The following B4GALT1 variants were observed in gnomAD, a reference collection of about 807,000 sequenced individuals.
B4GALT1 encodes beta-1,4-galactosyltransferase 1, also known as N-acetyllactosamine synthase.
Under a neutral mutation model 34.9 loss-of-function variants are expected in B4GALT1, and 16 were observed. That is an observed-to-expected ratio of 0.46 (90% CI 0.31 to 0.70). The LOEUF (loss-of-function observed/expected upper bound fraction) is 0.70. B4GALT1 is among the 30% of genes least tolerant of loss of function. The probability of loss-of-function intolerance (pLI) is 0.05; values close to 1 mark genes in which losing one functional copy is unlikely to be tolerated. For synonymous variants in B4GALT1, 221 were observed against 218.1 expected (o/e 1.01, Z -0.12); for missense variants, 445 against 530.5 (o/e 0.84, Z 1.58).
rs1483178137 is a variant in B4GALT1 at position 33,135,339 on chromosome 9, G to A, written c.498C>T (p.Arg166=). The change falls in exon 2 of 6, where the codon CGC becomes CGT. Residue 166 remains arginine, a synonymous_variant. Coordinates refer to ENST00000379731, the MANE Select transcript of B4GALT1 (RefSeq NM_001497.4). ...KQNPNVKMGG[R]YAPRDCVSPH... ...GAGAGACGCAGTCCCTGGGGGCATA[G>A]CGGCCGCCCATCTTCACATTTGGGT... 2 of 1,614,206 alleles carry A rather than the reference G, an allele frequency of 1.2e-6. No homozygotes were observed. Among genetic ancestry groups the A allele is most frequent in the Middle Eastern group, 1.6e-4 (1 of 6,062 alleles).
the B4GALT1 span, chr9:33,174,062 G>C: frequency 6.6e-6 from 1 of 152,042 alleles, no homozygotes; most frequent in South Asian, 2.1e-4. Context: ...GGAAACATTA[G>C]AGAAATCCAA....
rs1262744786 is a variant in B4GALT1, at chr9:33,112,918, C to T, written c.*536G>A. 4 of 197,058 alleles carry T rather than the reference C, an allele frequency of 2.0e-5. No homozygotes were observed. Among genetic ancestry groups the T allele is most frequent in the Admixed American group, 5.3e-5 (1 of 18,770 alleles). 12.2% of individuals were successfully genotyped at this position (197,058 alleles called of 1,614,324 possible). A position where few individuals can be genotyped will look rare whatever the true frequency, so the allele number is the denominator to read the frequency against. Reference sequence around the variant, plus strand: ...TTAAAATCCTTTTGCTAAGAAAAGACATATGCACAGTGATTGCAGTGGTTG... The same window carrying T: ...TTAAAATCCTTTTGCTAAGAAAAGATATATGCACAGTGATTGCAGTGGTTG... On this transcript the variant is annotated 3_prime_UTR_variant, in exon 6 of 6. Transcript: ENST00000379731.
the B4GALT1 span, chr9:33,179,670 G>A: frequency 2.0e-5 from 3 of 152,178 alleles, no homozygotes; most frequent in African/African-American, 7.2e-5. Context: ...ATCTTTTCCA[G>A]GCTAGCAACA....
chr9:33,157,121 T>TACACACACACAC (rs199541947), intron 1 of B4GALT1, among the ~76,000 whole-genome samples: 1,312 of 113,206 alleles, frequency 0.012, 60 homozygotes, highest in African/African-American at 0.025. Context: ...CATAGGGAAC[T>TACACACACACAC]ACACACACAC....
chr9:33,142,242 C>T (rs1840362362), intron 1 of B4GALT1, among the ~76,000 whole-genome samples: 1 of 152,130 alleles, frequency 6.6e-6, no homozygotes. Context: ...CGGCCTCCCA[C>T]AGTGCTGGGA....
At chr9:33,120,741 C>T in intron 2 of B4GALT1, 135 bp from the exon 3 acceptor site, 1 of 852,256 alleles carries the variant, frequency 1.2e-6, no homozygotes, top group Non-Finnish European at 1.9e-6. Flanking sequence ...CGTCACTCTA[C>T]AATCAACACA....
the B4GALT1 span, among the ~76,000 whole-genome samples, chr9:33,174,741 G>C: frequency 6.7e-6 from 1 of 149,884 alleles, no homozygotes; most frequent in Non-Finnish European, 1.5e-5. Flanking sequence ...CAGATCACTT[G>C]AGGCCAGGAG....
rs1421230577 is a variant in B4GALT1, at chr9:33,166,936, C to A, written c.234G>T (p.Arg78=). The change falls in exon 1 of 6, where the codon CGG becomes CGT. Residue 78 remains arginine, a synonymous_variant. Coordinates refer to ENST00000379731, the MANE Select transcript of B4GALT1 (RefSeq NM_001497.4). The part of the protein sequence containing the change: ...AAIGQSSGEL[R]TGGARPPPPL... ...GAGGCGGCGGCCGGGCCCCTCCGGT[C>A]CGGAGCTCCCCGGAGGACTGCCCGA... is the stretch of plus-strand genomic sequence containing the variant. The A allele has an allele frequency of 6.4e-7, 1 of 1,570,218 alleles. No homozygotes were observed. The highest frequency in any genetic ancestry group is 2.3e-5 in the East Asian group (1 of 43,584).
At chr9:33,117,131 T>A (rs947871451) in intron 3 of B4GALT1, among the ~76,000 whole-genome samples, 6 of 152,138 alleles carry the variant, frequency 3.9e-5, no homozygotes, top group Non-Finnish European at 8.8e-5. Flanking sequence ...AGCCTCTCTG[T>A]ACCCACCCAG....
At chr9:33,146,238 G>T (rs1840423552) in intron 1 of B4GALT1, among the ~76,000 whole-genome samples, 1 of 152,190 alleles carries the variant, frequency 6.6e-6, no homozygotes, top group Non-Finnish European at 1.5e-5. Flanking sequence ...GGAATTTCTG[G>T]AAAGTGTGGA....
intron 4 of B4GALT1, among the ~76,000 whole-genome samples, chr9:33,114,516 G>C (rs906490469): frequency 6.9e-6 from 1 of 144,844 alleles, no homozygotes; most frequent in East Asian, 2.0e-4. Context: ...CTAATATACA[G>C]TATTTCCAAA....
intron 1 of B4GALT1, among the ~76,000 whole-genome samples, chr9:33,163,247 G>A (rs1263268068): frequency 6.6e-6 from 1 of 152,164 alleles, no homozygotes; most frequent in East Asian, 1.9e-4. Flanking sequence ...CAAGTGCTAG[G>A]ACACAAACCC....
chr9:33,116,558 T>A (rs1839943150), intron 3 of B4GALT1, among the ~76,000 whole-genome samples: 1 of 134,104 alleles, frequency 7.5e-6, no homozygotes, highest in African/African-American at 2.8e-5. Context: ...TCTCGCTCTG[T>A]AGCCCAGGCT....
chr9:33,122,384 T>C (rs992735200), intron 2 of B4GALT1, among the ~76,000 whole-genome samples: 1 of 151,990 alleles, frequency 6.6e-6, no homozygotes, highest in Non-Finnish European at 1.5e-5. Context: ...CCAGGCATGG[T>C]GGTCCCTAGT....
chr9:33,167,122 G>A lies in B4GALT1; in HGVS notation c.48C>T (p.Gly16=). 6.2e-7 allele frequency: 1 copy of A among 1,602,926 alleles called. No individual in the cohort carries two copies. The highest frequency in any genetic ancestry group is 1.1e-5 in the South Asian group (1 of 90,430). The stretch of plus-strand genomic sequence containing the variant: ...GGCGGCAGGCCCGCTGTAGGGACGC[G>A]CCTGGCATCGCGGCGCTGCCGCTCA... ...PLLSGSAAMP[G]ASLQRACRLL... Residue 16 remains glycine (G), a synonymous_variant, in exon 1 of 6, where the codon GGC becomes GGT. Coordinates refer to ENST00000379731, the MANE Select transcript of B4GALT1 (RefSeq NM_001497.4).
intron 1 of B4GALT1, among the ~76,000 whole-genome samples, chr9:33,137,172 GC>G (rs1227647187): frequency 6.6e-6 from 1 of 152,166 alleles, no homozygotes; most frequent in East Asian, 1.9e-4. Flanking sequence ...GAAGGCCAAG[GC>G]CCACAGCTGA....
chr9:33,131,772 T>C (rs138236228), intron 2 of B4GALT1, among the ~76,000 whole-genome samples: 208 of 152,358 alleles, frequency 1.4e-3, no homozygotes, highest in African/African-American at 4.8e-3. Flanking sequence ...TCTTCTAGAA[T>C]ATAACCATAA....
intron 3 of B4GALT1, among the ~76,000 whole-genome samples, chr9:33,119,848 T>C (rs899731470): frequency 1.3e-5 from 2 of 152,166 alleles, no homozygotes; most frequent in African/African-American, 4.8e-5. Flanking sequence ...GAAAATACAG[T>C]ATCATTTGGA....
upstream of B4GALT1, among the ~76,000 whole-genome samples, chr9:33,171,641 A>G (rs1840841968): frequency 6.6e-6 from 1 of 152,062 alleles, no homozygotes; most frequent in Non-Finnish European, 1.5e-5. Context: ...TATAACGTCA[A>G]ACTCCTGGGC....
Sources: gnomAD v4.1 joint callset for allele counts (sites outside exome capture counted in the v4.1 genomes callset) on GRCh38, gnomAD v4.1.1 for gene constraint, MANE v1.5 for transcripts, NCBI Gene and HGNC (gene_info 2026-07-23, HGNC 2026-07-21) for gene names.